The following AQP2 variants were observed in gnomAD, a reference collection of about 807,000 sequenced individuals.
AQP2 encodes aquaporin-2.
Under a neutral mutation model 21.6 loss-of-function variants are expected in AQP2, and 20 were observed. The observed-to-expected ratio is 0.92, with a 90% CI of 0.65 to 1.34. The LOEUF is 1.34. Among genes scored for constraint, AQP2 ranks in the 40% most tolerant of loss-of-function variants. The probability of loss-of-function intolerance (pLI) is 0.00; values close to 1 mark genes in which losing one functional copy is unlikely to be tolerated. For synonymous variants in AQP2, 168 were observed against 166.9 expected (o/e 1.01, Z -0.05); for missense variants, 325 against 363.4 (o/e 0.89, Z 0.86).
At position 49,950,870 on chromosome 12, in the gene AQP2, T is replaced by A; in HGVS notation, c.40T>A (p.Phe14Ile). The A allele has an allele frequency of 6.2e-7, 1 of 1,613,492 alleles. No individual in the cohort carries two copies. The highest frequency in any genetic ancestry group is 8.5e-7 in the Non-Finnish European group (1 of 1,179,444). Residue 14 changes from phenylalanine (F) to isoleucine (I), a missense_variant, in exon 1 of 4, where the codon TTC (phenylalanine) becomes ATC (isoleucine). Coordinates refer to ENST00000199280, the MANE Select transcript of AQP2 (RefSeq NM_000486.6). ...LRSIAFSRAV[F>I]AEFLATLLFV... ...CTCCATAGCCTTCTCCAGGGCTGTG[T>A]TCGCAGAGTTCCTGGCCACACTCCT...
In AQP2 at chr12:49,954,696, T is replaced by C. The variant is rs1377196697; in HGVS notation, c.592T>C (p.Phe198Leu). Residue 198 changes from phenylalanine to leucine, a missense_variant, in exon 3 of 4, where the codon TTT becomes CTT. Physicochemically the swap from Phe to Leu is conservative, Grantham distance 22. Transcript: ENST00000199280. Reference protein sequence around the residue: ...SLAPAVVTGKFDDHWVFWIGP... With the variant: ...SLAPAVVTGKLDDHWVFWIGP... ...GGCTCCAGCTGTCGTCACTGGCAAATTTGATGACCACTGGGTAATGGCTGA... is the reference window on the plus strand; with the variant it reads ...GGCTCCAGCTGTCGTCACTGGCAAACTTGATGACCACTGGGTAATGGCTGA... The C allele has an allele frequency of 6.2e-7, 1 of 1,614,004 alleles. No homozygotes were observed. The highest frequency in any genetic ancestry group is 8.5e-7 in the Non-Finnish European group (1 of 1,180,002).
rs141361202 is a variant in AQP2 at position 49,950,783 on chromosome 12, G to A, written c.-48G>A. ...TAGAGTGCGAGAGCGAGTGCCCGGA[G>A]CATCCTGGCCCTGAGACAGCTGGGC... On this transcript the variant is annotated 5_prime_UTR_variant, in exon 1 of 4. Transcript: ENST00000199280. The A allele has an allele frequency of 7.6e-6, 12 of 1,586,794 alleles. No homozygotes were observed. The African/African-American group carries it at 1.5e-4, about 20-fold the overall frequency.
Position 49,955,868 on chromosome 12 carries a change from G to C in AQP2, c.*260G>C. 1 of 640,724 alleles carries C rather than the reference G, an allele frequency of 1.6e-6. No individual in the cohort carries two copies. Among genetic ancestry groups the C allele is most frequent in the African/African-American group, 1.8e-5 (1 of 55,300 alleles). The allele number at this position is 640,724 out of a possible 1,614,324, so 39.7% of individuals were successfully genotyped here. The stretch of plus-strand genomic sequence containing the variant: ...TCTCCAGCCTTTTTCAGGGAACTGG[G>C]AACTTAGGGGACTGAGCTGGGGAGG... On this transcript the variant is annotated 3_prime_UTR_variant, in exon 4 of 4. Coordinates refer to ENST00000199280, the MANE Select transcript of AQP2 (RefSeq NM_000486.6).
intron 1 of AQP2, among the ~76,000 whole-genome samples, chr12:49,953,614 T>C (rs1947344951): frequency 6.6e-6 from 1 of 151,476 alleles, no homozygotes; most frequent in African/African-American, 2.4e-5. Context: ...GGGAAAGAGG[T>C]AGATTCCGGA....
Position 49,954,021 on chromosome 12 carries a change from C to T in AQP2, c.361-134C>T, listed in dbSNP as rs531346657. On this transcript the variant is annotated intron_variant, in intron 1 of 3. Transcript: ENST00000199280. ...AAGGGATCAGTCGTTGCAGCTAAGG[C>T]GTCTGGCAAGCCCAGGTGTTCCGGC... The T allele has an allele frequency of 5.6e-5, 70 of 1,244,680 alleles. 1 individual carries two copies. The East Asian group carries it at 9.8e-4, about 17-fold the overall frequency. The allele number at this position is 1,244,680 out of a possible 1,614,324, so 77.1% of individuals were successfully genotyped here.
At chr12:49,954,438 C>T in intron 2 of AQP2, 119 bp downstream of exon 2, 2 of 1,301,906 alleles carry the variant, frequency 1.5e-6, no homozygotes, top group African/African-American at 1.5e-5. Context: ...GGAACAGACA[C>T]CCCAGAGGTT....
chr12:49,951,243 T>G, intron 1 of AQP2, 53 bp downstream of exon 1: 1 of 1,550,978 alleles, frequency 6.4e-7, no homozygotes, highest in Non-Finnish European at 8.7e-7. Context: ...GGGAATCCCT[T>G]GTAAAGGATG....
Position 49,950,792 on chromosome 12 carries a change from C to A in AQP2, c.-39C>A. 1 of 1,594,722 alleles carries A rather than the reference C, an allele frequency of 6.3e-7. No individual in the cohort carries two copies. The highest frequency in any genetic ancestry group is 8.6e-7 in the Non-Finnish European group (1 of 1,167,612). ...AGAGCGAGTGCCCGGAGCATCCTGGCCCTGAGACAGCTGGGCCAGCCCCGC... is the reference window on the plus strand; with the variant it reads ...AGAGCGAGTGCCCGGAGCATCCTGGACCTGAGACAGCTGGGCCAGCCCCGC... On this transcript the variant is annotated 5_prime_UTR_variant, in exon 1 of 4. Transcript: ENST00000199280.
Position 49,950,971 on chromosome 12 carries a change from G to A in AQP2, c.141G>A (p.Ala47=), listed in dbSNP as rs140262864. ...ALPSVLQIAM[A]FGLGIGTLVQ... The stretch of plus-strand genomic sequence containing the variant: ...CCTCTGTGCTACAGATTGCCATGGC[G>A]TTTGGCTTGGGTATTGGCACCCTGG... Residue 47 remains alanine, a synonymous_variant, in exon 1 of 4, where the codon GCG becomes GCA. Transcript: ENST00000199280. 289 of 1,614,216 alleles carry A rather than the reference G, an allele frequency of 1.8e-4. No homozygotes were observed. The highest frequency in any genetic ancestry group is 7.8e-4 in the East Asian group (35 of 44,886).
Position 49,950,957 on chromosome 12 carries a change from C to G in AQP2, c.127C>G (p.Gln43Glu). The G allele has an allele frequency of 6.2e-7, 1 of 1,614,246 alleles. No homozygotes were observed. The highest frequency in any genetic ancestry group is 2.2e-5 in the East Asian group (1 of 44,882). ...NWPQALPSVL[Q>E]IAMAFGLGIG... The stretch of plus-strand genomic sequence containing the variant: ...GCCACAGGCCCTGCCCTCTGTGCTA[C>G]AGATTGCCATGGCGTTTGGCTTGGG... Residue 43 changes from glutamine to glutamate, a missense_variant, in exon 1 of 4, where the codon CAG (glutamine) becomes GAG (glutamate). Coordinates refer to ENST00000199280, the MANE Select transcript of AQP2 (RefSeq NM_000486.6).
chr12:49,950,779 C>G lies in AQP2; in HGVS notation c.-52C>G. 2 of 1,584,964 alleles carry G rather than the reference C, an allele frequency of 1.3e-6. No homozygotes were observed. The highest frequency in any genetic ancestry group is 1.7e-6 in the Non-Finnish European group (2 of 1,163,156). On this transcript the variant is annotated 5_prime_UTR_variant, in exon 1 of 4. Transcript: ENST00000199280. ...GCGATAGAGTGCGAGAGCGAGTGCC[C>G]GGAGCATCCTGGCCCTGAGACAGCT...
chr12:49,954,488 C>T, intron 2 of AQP2, 142 bp from the exon 3 acceptor site: 1 of 1,236,006 alleles, frequency 8.1e-7, no homozygotes. Flanking sequence ...ATCACTCCAG[C>T]CCATCTGTAA....
At chr12:49,952,759 G>T (rs1176191738) in intron 1 of AQP2, among the ~76,000 whole-genome samples, 2 of 152,186 alleles carry the variant, frequency 1.3e-5, no homozygotes, top group African/African-American at 4.8e-5. Flanking sequence ...TGCCTGGATG[G>T]AATGGGGCAG....
At chr12:49,954,828 C>T (rs1450555113) in intron 3 of AQP2, 118 bp downstream of exon 3, 35 of 1,182,146 alleles carry the variant, frequency 3.0e-5, no homozygotes, top group Non-Finnish European at 4.3e-5. Flanking sequence ...CTCCACACTC[C>T]TCCTGGTCCT....
chr12:49,956,615 G>A lies in AQP2; in HGVS notation c.*1007G>A, dbSNP rs1393452055. On this transcript the variant is annotated 3_prime_UTR_variant, in exon 4 of 4. Coordinates refer to ENST00000199280, the MANE Select transcript of AQP2 (RefSeq NM_000486.6). ...TTGTGGGACCCGGGCCTTTGTCTTG[G>A]GTGAGGGGAGATTTGCACCTAGACA... 6.6e-6 allele frequency: 1 copy of A among 152,104 alleles called. No individual in the cohort carries two copies. Among genetic ancestry groups the A allele is most frequent in the Admixed American group, 6.6e-5 (1 of 15,266 alleles). The allele number at this position is 152,104 out of a possible 1,614,324, so 9.4% of individuals were successfully genotyped here.
chr12:49,957,010 G>C lies in AQP2; in HGVS notation c.*1402G>C, dbSNP rs1476372727. 6.6e-6 allele frequency: 1 copy of C among 152,656 alleles called. No individual in the cohort carries two copies. The highest frequency in any genetic ancestry group is 1.5e-5 in the Non-Finnish European group (1 of 68,030). 9.5% of individuals were successfully genotyped at this position (152,656 alleles called of 1,614,324 possible). ...GGCCAGTACTACTGCTCTCAAAAGA[G>C]ATTAACTGGGATTAAGTGAGATGAC... On this transcript the variant is annotated 3_prime_UTR_variant, in exon 4 of 4. Coordinates refer to ENST00000199280, the MANE Select transcript of AQP2 (RefSeq NM_000486.6).
At position 49,955,739 on chromosome 12, in the gene AQP2, C is replaced by T. The variant is rs749686906; in HGVS notation, c.*131C>T. 4.1e-6 allele frequency: 5 copies of T among 1,216,754 alleles called. No homozygotes were observed. In the Admixed American group the frequency reaches 6.0e-5, roughly 15 times the overall value. The allele number at this position is 1,216,754 out of a possible 1,614,324, so 75.4% of individuals were successfully genotyped here. ...GCAGAGTAGCTGCTTCCTGGACGTG[C>T]GCGCCCAGGCCAGTGCTGTGAGCAG... is the stretch of plus-strand genomic sequence containing the variant. On this transcript the variant is annotated 3_prime_UTR_variant, in exon 4 of 4. Transcript: ENST00000199280.
At chr12:49,954,848 T>C in intron 3 of AQP2, 138 bp downstream of exon 3, 1 of 994,950 alleles carries the variant, frequency 1.0e-6, no homozygotes, top group East Asian at 2.5e-5. Context: ...TGGGGAGCCT[T>C]GGGTTCCACC....
chr12:49,951,134 G>A lies in AQP2; in HGVS notation c.304G>A (p.Ala102Thr), dbSNP rs201047682. The A allele has an allele frequency of 4.4e-6, 7 of 1,606,078 alleles. No individual in the cohort carries two copies. In the East Asian group the frequency reaches 6.7e-5, roughly 15 times the overall value. ...GCTGCTGGGGGCTGTGGCCGGAGCC[G>A]CTCTGCTCCATGAGATCACGCCAGC... The part of the protein sequence containing the change: ...AQLLGAVAGA[A>T]LLHEITPADI... The change falls in exon 1 of 4, where the codon GCT (alanine) becomes ACT (threonine). Residue 102 changes from alanine (A) to threonine (T), a missense_variant. Transcript: ENST00000199280.
Sources: allele counts gnomAD v4.1 joint callset (sites outside exome capture counted in the v4.1 genomes callset), GRCh38; gene constraint gnomAD v4.1.1; transcripts MANE v1.5; gene names NCBI Gene and HGNC (gene_info 2026-07-23, HGNC 2026-07-21).